The following CSMD1 variants were observed in gnomAD, a reference collection of about 807,000 sequenced individuals.
CSMD1 encodes the protein CUB and sushi domain-containing protein 1.
CSMD1 carries 213 observed loss-of-function variants against 417.5 expected under a neutral mutation model. The ratio of observed to expected loss-of-function variants is 0.51; its 90% confidence interval spans 0.46 to 0.57. The LOEUF (loss-of-function observed/expected upper bound fraction) is 0.57. Ranked by LOEUF, CSMD1 falls within the 20% of genes least tolerant of loss-of-function variation. The probability of loss-of-function intolerance (pLI) is 0.00; values close to 1 mark genes in which losing one functional copy is unlikely to be tolerated. For synonymous variants in CSMD1, 2,862 were observed against 1,736.8 expected (o/e 1.65, Z -16.11); for missense variants, 6,923 against 4,529.7 (o/e 1.53, Z -15.17).
chr8:4,070,677 T>C (rs78387668), intron 3 of CSMD1, among the ~76,000 whole-genome samples: 1 of 152,192 alleles, frequency 6.6e-6, no homozygotes, highest in Non-Finnish European at 1.5e-5. Context: ...ACACTCTCTA[T>C]TCGTCACTGA....
At chr8:3,587,785 A>G (rs1800669227) in intron 8 of CSMD1, among the ~76,000 whole-genome samples, 1 of 152,208 alleles carries the variant, frequency 6.6e-6, no homozygotes, top group Non-Finnish European at 1.5e-5. Context: ...AAAATAATGA[A>G]GAGAATTCAA....
chr8:3,171,452 T>A (rs979004523), intron 37 of CSMD1, among the ~76,000 whole-genome samples: 1 of 152,178 alleles, frequency 6.6e-6, no homozygotes, highest in African/African-American at 2.4e-5. Flanking sequence ...GTCTAGAGCC[T>A]TGATCAAAAG....
intron 10 of CSMD1, among the ~76,000 whole-genome samples, chr8:3,556,605 A>G (rs993994689): frequency 6.6e-6 from 1 of 151,132 alleles, no homozygotes; most frequent in East Asian, 2.0e-4. Context: ...CATTGCCTTT[A>G]GGGCTGGTAC....
chr8:4,382,883 A>T (rs767269718), intron 3 of CSMD1, among the ~76,000 whole-genome samples: 8 of 152,202 alleles, frequency 5.3e-5, no homozygotes. Context: ...CAGTAAGATT[A>T]AATAAATTGT....
chr8:3,224,799 T>C (rs1197610210), intron 27 of CSMD1, among the ~76,000 whole-genome samples: 2 of 152,200 alleles, frequency 1.3e-5, no homozygotes, highest in African/African-American at 4.8e-5. Context: ...TTAGGATTGT[T>C]TTATTTGTGA....
chr8:3,518,534 G>A (rs76082275), intron 10 of CSMD1, among the ~76,000 whole-genome samples: 1,592 of 152,218 alleles, frequency 0.01, 28 homozygotes, highest in African/African-American at 0.036. Flanking sequence ...ATCAATGATT[G>A]CCATAAAGTA....
At chr8:3,292,882 G>T (rs930773331) in intron 25 of CSMD1, among the ~76,000 whole-genome samples, 3 of 151,258 alleles carry the variant, frequency 2.0e-5, no homozygotes, top group Non-Finnish European at 2.9e-5. Context: ...ATGTTAGCTG[G>T]TTATTTTGCT....
At chr8:4,980,821 T>C (rs1810849231) in intron 1 of CSMD1, among the ~76,000 whole-genome samples, 1 of 151,984 alleles carries the variant, frequency 6.6e-6, no homozygotes, top group East Asian at 1.9e-4. Flanking sequence ...GGAGGATCAC[T>C]TGATCCCAGG....
intron 1 of CSMD1, among the ~76,000 whole-genome samples, chr8:4,847,971 A>C (rs1479645183): frequency 6.6e-6 from 1 of 152,036 alleles, no homozygotes; most frequent in African/African-American, 2.4e-5. Flanking sequence ...TTCAAGGCAA[A>C]CACACACCAC....
chr8:3,277,433 A>G (rs1347418447), intron 26 of CSMD1, among the ~76,000 whole-genome samples: 1 of 152,156 alleles, frequency 6.6e-6, no homozygotes, highest in Non-Finnish European at 1.5e-5. Flanking sequence ...GGCGTAGACC[A>G]AGGCGGCAGG....
At chr8:2,968,883 T>C (rs896668349) in intron 57 of CSMD1, among the ~76,000 whole-genome samples, 1 of 152,196 alleles carries the variant, frequency 6.6e-6, no homozygotes, top group African/African-American at 2.4e-5. Context: ...AAAGTACATT[T>C]TGTTAACGTG....
In CSMD1 at chr8:3,731,563, G is replaced by A. The variant is rs531987663; in HGVS notation, c.931+22367C>T. Among the ~76,000 whole-genome samples, 22 of 152,218 alleles carry A rather than the reference G, an allele frequency of 1.4e-4. No individual in the cohort carries two copies. The South Asian group carries it at 4.4e-3, about 30-fold the overall frequency. On this transcript the variant is annotated intron_variant, in intron 6 of 69. Coordinates refer to ENST00000635120, the MANE Select transcript of CSMD1 (RefSeq NM_033225.6). ...GCTGGGGTGATTTGATTCCACCCGT[G>A]AAGAATCTAAAATAGGTTTTTGAAA...
chr8:4,073,025 A>T (rs555519843), intron 3 of CSMD1, among the ~76,000 whole-genome samples: 1 of 152,320 alleles, frequency 6.6e-6, no homozygotes, highest in African/African-American at 2.4e-5. Flanking sequence ...CAACCCAATT[A>T]TCACCTATAA....
rs371083657 is a variant in CSMD1 at position 3,766,710 on chromosome 8, C to G, written c.819-12668G>C. ...ATGGTAACAATTTATTTTGGGTTCA[C>G]TGACAATTTTCTCTTGATATTATTT... On this transcript the variant is annotated intron_variant, in intron 5 of 69. Coordinates refer to ENST00000635120, the MANE Select transcript of CSMD1 (RefSeq NM_033225.6). 1.6e-3 allele frequency among the ~76,000 whole-genome samples: 248 copies of G among 152,006 alleles called. 3 individuals are homozygous for G. Among genetic ancestry groups the G allele is most frequent in the African/African-American group, 5.7e-3 (237 of 41,462 alleles).
chr8:3,969,730 C>A (rs189179082), intron 5 of CSMD1, among the ~76,000 whole-genome samples: 1 of 152,202 alleles, frequency 6.6e-6, no homozygotes, highest in East Asian at 1.9e-4. Flanking sequence ...ATAAAATAAC[C>A]ATGTGTAGAT....
At position 4,658,949 on chromosome 8, in the gene CSMD1, G is replaced by C. The variant is rs565252982; in HGVS notation, c.86-21391C>G. On this transcript the variant is annotated intron_variant, in intron 1 of 69. Transcript: ENST00000635120. Reference sequence around the variant, plus strand: ...ATAGAACTAGATTGTTATGATTTTAGGATGTGAATTGTAATGTCTGTGGTA... The same window carrying C: ...ATAGAACTAGATTGTTATGATTTTACGATGTGAATTGTAATGTCTGTGGTA... Among the ~76,000 whole-genome samples the C allele has an allele frequency of 3.3e-5, 5 of 152,184 alleles. No homozygotes were observed. In the South Asian group the frequency reaches 6.2e-4, roughly 19 times the overall value.
chr8:3,338,579 C>A (rs982028530), intron 23 of CSMD1, among the ~76,000 whole-genome samples: 4 of 152,140 alleles, frequency 2.6e-5, no homozygotes, highest in African/African-American at 9.7e-5. Flanking sequence ...AAATTAAACA[C>A]TGTTGTTGCC....
At chr8:2,971,614 C>G (rs144558028) in intron 57 of CSMD1, among the ~76,000 whole-genome samples, 2 of 152,094 alleles carry the variant, frequency 1.3e-5, no homozygotes, top group Admixed American at 6.6e-5. Flanking sequence ...GATTGCTTAC[C>G]TGAAGTACTA....
intron 5 of CSMD1, among the ~76,000 whole-genome samples, chr8:3,801,713 A>G (rs553193522): frequency 3.9e-5 from 6 of 152,204 alleles, no homozygotes; most frequent in African/African-American, 1.2e-4. Context: ...CAAAATATGG[A>G]AACAATTCAA....
Sources: allele counts gnomAD v4.1 joint callset (sites outside exome capture counted in the v4.1 genomes callset), GRCh38; gene constraint gnomAD v4.1.1; transcripts MANE v1.5; gene names NCBI Gene and HGNC (gene_info 2026-07-23, HGNC 2026-07-21).